The following NAV3 variants were observed in gnomAD, a reference collection of about 807,000 sequenced individuals.
The protein encoded by NAV3 is neuron navigator 3, also known as pore membrane and/or filament interacting like protein 1.
NAV3 carries 87 observed loss-of-function variants against 244.7 expected under a neutral mutation model. The ratio of observed to expected loss-of-function variants is 0.36; its 90% CI spans 0.30 to 0.42. The LOEUF (loss-of-function observed/expected upper bound fraction) is 0.42, where lower values mean the gene tolerates loss of function less well. NAV3 is among the 20% of genes least tolerant of loss of function. The pLI is 1.00. For missense variants in NAV3, 2,663 were observed against 2,893.3 expected (o/e 0.92, Z 1.83); for synonymous variants, 1,126 against 1,042.2 (o/e 1.08, Z -1.55).
chr12:77,896,507 T>G (rs1436611582), intron 1 of NAV3, among the ~76,000 whole-genome samples: 1 of 152,176 alleles, frequency 6.6e-6, no homozygotes, highest in Non-Finnish European at 1.5e-5. Flanking sequence ...ATAATTGATG[T>G]GGAAAAAAGT....
intron 2 of NAV3, among the ~76,000 whole-genome samples, chr12:77,642,230 A>G (rs1251593261): frequency 2.0e-5 from 3 of 152,066 alleles, no homozygotes; most frequent in Non-Finnish European, 4.4e-5. Context: ...GTTGGAAGCC[A>G]TGATCTGTGA....
chr12:77,743,961 T>C (rs918212281), intron 2 of NAV3, among the ~76,000 whole-genome samples: 2 of 151,808 alleles, frequency 1.3e-5, no homozygotes, highest in African/African-American at 2.4e-5. Context: ...CACATGTTCA[T>C]GGACTGTCAG....
intron 1 of NAV3, among the ~76,000 whole-genome samples, chr12:77,921,135 A>C (rs1194113854): frequency 6.6e-6 from 1 of 152,070 alleles, no homozygotes; most frequent in Non-Finnish European, 1.5e-5. Flanking sequence ...GCTTAACTTT[A>C]AAGCTAGGGT....
At chr12:77,889,945 C>G (rs1347730708) in intron 1 of NAV3, among the ~76,000 whole-genome samples, 10 of 152,072 alleles carry the variant, frequency 6.6e-5, no homozygotes, top group Non-Finnish European at 1.5e-4. Context: ...CATTCTTGGC[C>G]TATAGCTATC....
intron 1 of NAV3, among the ~76,000 whole-genome samples, chr12:77,842,306 C>T (rs1291191734): frequency 1.3e-5 from 2 of 152,030 alleles, no homozygotes; most frequent in Non-Finnish European, 2.9e-5. Context: ...ATCTTTCTAG[C>T]TATTTTTAAT....
intron 1 of NAV3, among the ~76,000 whole-genome samples, chr12:77,845,770 C>T (rs1374820569): frequency 5.9e-5 from 9 of 151,590 alleles, no homozygotes; most frequent in African/African-American, 2.2e-4. Flanking sequence ...TCTCCTGCCT[C>T]AGCCTCCCAA....
chr12:77,751,478 G>A (rs1424286828), intron 2 of NAV3, among the ~76,000 whole-genome samples: 1 of 152,152 alleles, frequency 6.6e-6, no homozygotes, highest in Non-Finnish European at 1.5e-5. Flanking sequence ...CTGTTCTCAT[G>A]ATAGTGAGTT....
intron 21 of NAV3, among the ~76,000 whole-genome samples, chr12:78,146,851 T>C (rs1956883457): frequency 6.6e-6 from 1 of 152,114 alleles, no homozygotes; most frequent in Non-Finnish European, 1.5e-5. Context: ...ATTTTATGTG[T>C]GGTGTGTCAC....
chr12:78,108,347 C>G (rs926260919), intron 12 of NAV3, among the ~76,000 whole-genome samples: 1 of 152,096 alleles, frequency 6.6e-6, no homozygotes, highest in Non-Finnish European at 1.5e-5. Context: ...GACTGCAATA[C>G]AGTAATAGTG....
chr12:78,111,012 G>A (rs999548046), intron 12 of NAV3, among the ~76,000 whole-genome samples: 1 of 151,984 alleles, frequency 6.6e-6, no homozygotes, highest in African/African-American at 2.4e-5. Context: ...AGGAAACAGA[G>A]ACTGGAAAGG....
Position 77,777,135 on chromosome 12 carries a change from G to A in NAV3, c.73-163184G>A, listed in dbSNP as rs187740802. 7.4e-4 allele frequency among the ~76,000 whole-genome samples: 112 copies of A among 152,288 alleles called. 1 individual carries two copies. Among genetic ancestry groups the A allele is most frequent in the African/African-American group, 2.6e-3 (109 of 41,552 alleles). ...CCCCTAGTGGAAATATAAAACTGCA[G>A]ATAGCACCAAACCCTATATATTTGC... On this transcript the variant is annotated intron_variant, in intron 2 of 8. Transcript: ENST00000550042.
At chr12:77,901,356 G>A (rs965856473) in intron 1 of NAV3, among the ~76,000 whole-genome samples, 1 of 152,142 alleles carries the variant, frequency 6.6e-6, no homozygotes, top group Non-Finnish European at 1.5e-5. Context: ...TAGAGTTTGA[G>A]TTCTTACAAG....
intron 22 of NAV3, among the ~76,000 whole-genome samples, chr12:78,156,553 G>T (rs891240820): frequency 5.3e-5 from 8 of 151,932 alleles, no homozygotes; most frequent in African/African-American, 1.9e-4. Flanking sequence ...ATACACAAAG[G>T]GTAAAGGAGA....
At chr12:77,936,814 G>T (rs948395323) in intron 1 of NAV3, among the ~76,000 whole-genome samples, 1 of 152,110 alleles carries the variant, frequency 6.6e-6, no homozygotes, top group African/African-American at 2.4e-5. Context: ...CGGCATTACA[G>T]TACATTTATT....
rs1491274266 is a variant in NAV3, at chr12:77,766,736, T to TTTG, written c.73-173581_73-173580insGTT. The stretch of plus-strand genomic sequence containing the variant: ...GGATTCTAAAAAACAGGCAATTAAG[T>TTTG]TTTTTTTTTTTTTTTTTTTTTTTTT... On this transcript the variant is annotated intron_variant, in intron 2 of 8. Coordinates refer to the NAV3 transcript ENST00000550042. Among the ~76,000 whole-genome samples, 21 of 15,302 alleles carry TTTG rather than the reference T, an allele frequency of 1.4e-3. 4 individuals are homozygous for TTTG. The highest frequency in any genetic ancestry group is 3.5e-3 in the Admixed American group (5 of 1,410). The allele number at this position is 15,302 out of a possible 152,430, so 10.0% of individuals were successfully genotyped here. A position where few individuals can be genotyped will look rare whatever the true frequency, so the allele number is the denominator to read the frequency against.
At chr12:78,090,070 T>G (rs1727612965) in intron 12 of NAV3, among the ~76,000 whole-genome samples, 1 of 151,934 alleles carries the variant, frequency 6.6e-6, no homozygotes, top group African/African-American at 2.4e-5. Flanking sequence ...TTATCTAAGT[T>G]TATCTATGTC....
intron 1 of NAV3, among the ~76,000 whole-genome samples, chr12:77,853,466 A>G (rs1036267472): frequency 6.6e-6 from 1 of 152,196 alleles, no homozygotes; most frequent in Admixed American, 6.5e-5. Context: ...TTTGGGAAAC[A>G]TAAATTCTTA....
At chr12:77,840,449 T>C (rs1875444252) in intron 1 of NAV3, among the ~76,000 whole-genome samples, 1 of 152,158 alleles carries the variant, frequency 6.6e-6, no homozygotes, top group Admixed American at 6.5e-5. Context: ...GAGAATATGA[T>C]GGAGCAAGGT....
intron 12 of NAV3, among the ~76,000 whole-genome samples, chr12:78,079,154 G>A (rs1298707587): frequency 1.3e-5 from 2 of 152,190 alleles, no homozygotes; most frequent in Non-Finnish European, 2.9e-5. Flanking sequence ...AACTGTCACA[G>A]CATGAAGAAC....
Sources: gnomAD v4.1 joint callset for allele counts (sites outside exome capture counted in the v4.1 genomes callset) on GRCh38, gnomAD v4.1.1 for gene constraint, MANE v1.5 for transcripts, NCBI Gene and HGNC (gene_info 2026-07-23, HGNC 2026-07-21) for gene names.